FER1L5: variants seen among roughly 807,000 people sequenced by gnomAD.
FER1L5 encodes fer-1-like protein 5.
Under a neutral mutation model 279.9 loss-of-function variants are expected in FER1L5, and 187 were observed. The ratio of observed to expected loss-of-function variants is 0.67; its 90% confidence interval spans 0.59 to 0.75. FER1L5 has a LOEUF of 0.75. FER1L5 is among the 30% of genes least tolerant of loss of function. FER1L5 has a pLI of 0.00. For synonymous variants in FER1L5, 921 were observed against 989.7 expected, an observed-to-expected ratio of 0.93 and a Z score of 1.30; for missense variants, 2,091 against 2,594.4, an observed-to-expected ratio of 0.81 and a Z score of 4.21.
chr2:96,702,517 G>T lies in FER1L5; in HGVS notation c.5256-83G>T. ...CTCCATCCAGCTCTGCCTGGCGTCG[G>T]CTGGGCAGCCCTTCCCATGGGGCTC... On this transcript the variant is annotated intron_variant, in intron 47 of 52. Transcript: ENST00000624922. The surrounding 1 kb of genome is among the most constrained non-coding windows in gnomAD (Gnocchi z 4.0). 6.5e-7 allele frequency: 1 copy of T among 1,548,938 alleles called. No individual in the cohort carries two copies. Among genetic ancestry groups the T allele is most frequent in the South Asian group, 1.2e-5 (1 of 83,722 alleles).
In FER1L5 at chr2:96,691,032, G is replaced by A. The variant is rs2077121043; in HGVS notation, c.2744-158G>A. On this transcript the variant is annotated intron_variant, in intron 27 of 52. Coordinates refer to ENST00000624922, the MANE Select transcript of FER1L5 (RefSeq NM_001293083.2). The surrounding 1 kb of genome is among the most constrained non-coding windows in gnomAD (Gnocchi z 6.0). The stretch of plus-strand genomic sequence containing the variant: ...GGGCAGCTGGGCCCAGGCCACTCAG[G>A]TGACACAGTGTAGCCACACTCTCCT... Among the ~76,000 whole-genome samples, 1 of 152,238 alleles carries A rather than the reference G, an allele frequency of 6.6e-6. No individual in the cohort carries two copies. Among genetic ancestry groups the A allele is most frequent in the Non-Finnish European group, 1.5e-5 (1 of 68,044 alleles).
chr2:96,657,043 T>G (rs2075625684), intron 9 of FER1L5, among the ~76,000 whole-genome samples: 1 of 149,050 alleles, frequency 6.7e-6, no homozygotes, highest in Admixed American at 6.8e-5. Flanking sequence ...TCTATTCTGT[T>G]TTTTTATTTT....
intron 14 of FER1L5, among the ~76,000 whole-genome samples, chr2:96,668,278 T>G (rs1387147895): frequency 6.6e-6 from 1 of 152,110 alleles, no homozygotes; most frequent in Non-Finnish European, 1.5e-5. Flanking sequence ...AATCCCAACA[T>G]TTTGAGAGCC....
chr2:96,684,357 A>G lies in FER1L5; in HGVS notation c.1700A>G (p.Asn567Ser). Residue 567 changes from asparagine (N) to serine (S), a missense_variant, in exon 20 of 53, where the codon AAC becomes AGC. By Grantham distance (46) the Asn-to-Ser change is conservative. Transcript: ENST00000624922. Reference sequence around the variant, plus strand: ...ATCTACCATTATGTGCCCTGGTACAACACCAAGCCTGTCGTGGCCGTGACC... The same window carrying G: ...ATCTACCATTATGTGCCCTGGTACAGCACCAAGCCTGTCGTGGCCGTGACC... ...GNIYHYVPWY[N>S]TKPVVAVTSN... The G allele has an allele frequency of 6.4e-7, 1 of 1,551,588 alleles. No homozygotes were observed.
rs186944522 is a variant in FER1L5, at chr2:96,692,014, G to A, written c.3214+51G>A. 3.6e-3 allele frequency: 2,935 copies of A among 811,478 alleles called. 58 individuals carry two copies. The highest frequency in any genetic ancestry group is 0.035 in the East Asian group (983 of 28,012). The allele number at this position is 811,478 out of a possible 1,614,324, so 50.3% of individuals were successfully genotyped here. On this transcript the variant is annotated intron_variant, in intron 30 of 52. Transcript: ENST00000624922. Reference sequence around the variant, plus strand: ...TGAATGGCCCCAGAGGCCAGTACCCGAGGGCGGGGGGGGGGGACAGGGTGG... The same window carrying A: ...TGAATGGCCCCAGAGGCCAGTACCCAAGGGCGGGGGGGGGGGACAGGGTGG...
chr2:96,683,467 T>C (rs1286770624), intron 19 of FER1L5, among the ~76,000 whole-genome samples: 1 of 152,122 alleles, frequency 6.6e-6, no homozygotes, highest in Non-Finnish European at 1.5e-5. Flanking sequence ...TGCTCCAGTA[T>C]GACCTCATCC....
rs1184992301 is a variant in FER1L5, at chr2:96,663,516, C to T, written c.1140+9C>T. ...TGACCTTCCGGATTCAGGTATGGCT[C>T]CTCCATCATGCCCACCCTTCTCCCA... On this transcript the variant is annotated intron_variant, in intron 14 of 52. Coordinates refer to ENST00000624922, the MANE Select transcript of FER1L5 (RefSeq NM_001293083.2). 5 of 1,551,448 alleles carry T rather than the reference C, an allele frequency of 3.2e-6. No individual in the cohort carries two copies. The South Asian group carries it at 3.6e-5, about 11-fold the overall frequency.
chr2:96,698,710 GC>G lies in FER1L5; in HGVS notation c.4400del (p.Pro1467GlnfsTer45). On this transcript the variant is annotated frameshift_variant, in exon 41 of 53. Transcript: ENST00000624922. LOFTEE classifies it high-confidence loss of function. This position sits in a 1 kb window ranked among gnomAD's most constrained non-coding sequence, Gnocchi z 5.5. ...CTACCCCTTTCCTGAGAATCCAGAA[GC>G]CCCAAAGCCCCCGCTGCAGTTCTTG... is the stretch of plus-strand genomic sequence containing the variant. ...RIYPFPENPE[A>X]PKPPLQFLVW... 1 of 1,584,898 alleles carries G rather than the reference GC, an allele frequency of 6.3e-7. No individual in the cohort carries two copies. The highest frequency in any genetic ancestry group is 8.6e-7 in the Non-Finnish European group (1 of 1,166,354).
Position 96,689,037 on chromosome 2 carries a change from T to C in FER1L5, c.2362-176T>C, listed in dbSNP as rs1229900321. The C allele has an allele frequency of 3.0e-6, 2 of 669,356 alleles. No individual in the cohort carries two copies. Among genetic ancestry groups the C allele is most frequent in the Non-Finnish European group, 5.0e-6 (2 of 402,896 alleles). The allele number at this position is 669,356 out of a possible 1,614,324, so 41.5% of individuals were successfully genotyped here. Reference sequence around the variant, plus strand: ...GCCAGCTGAATGATCCAGGGCAGGGTTGACCTCTGGGCCTCAGTGCCCTCA... The same window carrying C: ...GCCAGCTGAATGATCCAGGGCAGGGCTGACCTCTGGGCCTCAGTGCCCTCA... On this transcript the variant is annotated intron_variant, in intron 24 of 52. Transcript: ENST00000624922. The surrounding 1 kb of genome is among the most constrained non-coding windows in gnomAD (Gnocchi z 4.6).
chr2:96,661,650 G>GGT lies in FER1L5; in HGVS notation c.895-18_895-17insGT, dbSNP rs2075958389. 6.4e-7 allele frequency: 1 copy of GGT among 1,551,508 alleles called. No homozygotes were observed. The highest frequency in any genetic ancestry group is 8.7e-7 in the Non-Finnish European group (1 of 1,146,964). On this transcript the variant is annotated splice_polypyrimidine_tract_variant and intron_variant, in intron 11 of 52. Transcript: ENST00000624922. ...CCTCCCCATTACCTTGACTATATCA[G>GGT]CTCTCTGGTCTCTCCAGATAGATCA...
intron 27 of FER1L5, among the ~76,000 whole-genome samples, chr2:96,690,827 G>C (rs2077113099): frequency 6.6e-6 from 1 of 152,232 alleles, no homozygotes; most frequent in Non-Finnish European, 1.5e-5. Context: ...GCAGATGCTG[G>C]TGAACAGGAG....
chr2:96,674,686 A>G (rs2076448699), intron 19 of FER1L5, among the ~76,000 whole-genome samples: 1 of 152,162 alleles, frequency 6.6e-6, no homozygotes. Flanking sequence ...TATAGTTTAA[A>G]GAAGAATAAT....
intron 18 of FER1L5, 108 bp from the exon 19 acceptor site, chr2:96,672,969 G>A: frequency 7.3e-7 from 1 of 1,376,364 alleles, no homozygotes; most frequent in Non-Finnish European, 9.8e-7. Context: ...AGGGAGAGAA[G>A]GGAAGATGGC....
In FER1L5 at chr2:96,686,268, C is replaced by T. The variant is rs2076921475; in HGVS notation, c.2147C>T (p.Pro716Leu). 1 of 1,551,638 alleles carries T rather than the reference C, an allele frequency of 6.4e-7. No individual in the cohort carries two copies. Among genetic ancestry groups the T allele is most frequent in the Non-Finnish European group, 8.7e-7 (1 of 1,146,966 alleles). Residue 716 changes from proline (P) to leucine (L), a missense_variant, in exon 23 of 53, where the codon CCT (proline) becomes CTT (leucine). Transcript: ENST00000624922. Reference protein sequence around the residue: ...KEQRVAYAQVPAHSVLFSPAG... With the variant: ...KEQRVAYAQVLAHSVLFSPAG... ...CAGCGAGTGGCCTATGCACAGGTGC[C>T]TGCCCACTCCGTCCTCTTCTCCCCG...
chr2:96,704,377 T>C lies in FER1L5; in HGVS notation c.5949+15T>C, dbSNP rs1558939882. 2.5e-6 allele frequency: 4 copies of C among 1,613,682 alleles called. No individual in the cohort carries two copies. Among genetic ancestry groups the C allele is most frequent in the Non-Finnish European group, 3.4e-6 (4 of 1,179,648 alleles). ...ATTCAGCTCCGGTGAGTGGCAGCCA[T>C]GGGGGCAAGGACAAAGGTGGTCTCG... On this transcript the variant is annotated intron_variant, in intron 52 of 52. Transcript: ENST00000624922.
chr2:96,667,054 T>C (rs1019579704), intron 14 of FER1L5, among the ~76,000 whole-genome samples: 12 of 152,202 alleles, frequency 7.9e-5, no homozygotes, highest in Admixed American at 6.5e-5. Flanking sequence ...CCCCTTACTA[T>C]GTGACCTTGA....
Position 96,694,272 on chromosome 2 carries a change from C to G in FER1L5, c.3637-88C>G. ...GCCCCTACCCATGGGGCTCTGGGCT[C>G]GGTGAGGCCTCTGAGGGACCTGCTT... On this transcript the variant is annotated intron_variant, in intron 33 of 52. Transcript: ENST00000624922. This position sits in a 1 kb window ranked among gnomAD's most constrained non-coding sequence, Gnocchi z 4.6. The G allele has an allele frequency of 7.3e-7, 1 of 1,363,394 alleles. No homozygotes were observed. The highest frequency in any genetic ancestry group is 9.8e-7 in the Non-Finnish European group (1 of 1,018,514). The allele number at this position is 1,363,394 out of a possible 1,614,324, so 84.5% of individuals were successfully genotyped here. A position where few individuals can be genotyped will look rare whatever the true frequency, so the allele number is the denominator to read the frequency against.
chr2:96,670,009 C>A, intron 17 of FER1L5, 110 bp from the exon 18 acceptor site: 2 of 1,425,158 alleles, frequency 1.4e-6, no homozygotes, highest in Non-Finnish European at 1.9e-6. Flanking sequence ...CAGTAAGCCC[C>A]GGGCAGGCAG....
rs900200716 is a variant in FER1L5 at position 96,689,488 on chromosome 2, C to T, written c.2525+112C>T. 2.0e-5 allele frequency: 30 copies of T among 1,490,510 alleles called. No homozygotes were observed. The highest frequency in any genetic ancestry group is 1.7e-4 in the African/African-American group (12 of 70,932). The allele number at this position is 1,490,510 out of a possible 1,614,324, so 92.3% of individuals were successfully genotyped here. A position where few individuals can be genotyped will look rare whatever the true frequency, so the allele number is the denominator to read the frequency against. ...GCCCCTAAGCCTGGTGCCAGAGGGC[C>T]GAGGTGCACCAGGCCAAGGGCCCTG... On this transcript the variant is annotated intron_variant, in intron 25 of 52. Transcript: ENST00000624922. This position sits in a 1 kb window ranked among gnomAD's most constrained non-coding sequence, Gnocchi z 4.6.
Sources: gnomAD v4.1 joint callset for allele counts (sites outside exome capture counted in the v4.1 genomes callset) on GRCh38, gnomAD v4.1.1 for gene constraint, Gnocchi (gnomAD v3.1) non-coding constraint, MANE v1.5 for transcripts, NCBI Gene and HGNC (gene_info 2026-07-23, HGNC 2026-07-21) for gene names.